Variants in AGBL2 observed in about 807,000 individuals in gnomAD.
AGBL2 encodes cytosolic carboxypeptidase 2.
AGBL2 carries 87 observed loss-of-function variants against 103.0 expected under a neutral mutation model. The observed-to-expected ratio is 0.84, with a 90% CI of 0.71 to 1.01. The LOEUF is 1.01. Ranked by LOEUF, AGBL2 falls within the 50% of genes least tolerant of loss-of-function variation. AGBL2 has a pLI of 0.00. For synonymous variants in AGBL2, 335 were observed against 356.7 expected (o/e 0.94, Z 0.69); for missense variants, 904 against 1,023.5 (o/e 0.88, Z 1.59).
At chr11:47,679,495 A>G (rs1049021379) in intron 13 of AGBL2, among the ~76,000 whole-genome samples, 1 of 152,088 alleles carries the variant, frequency 6.6e-6, no homozygotes, top group Non-Finnish European at 1.5e-5. Flanking sequence ...ATGAGGTCTT[A>G]CCATTTGTAG....
chr11:47,668,843 C>A lies in AGBL2; in HGVS notation c.2212G>T (p.Glu738Ter). ...LPVHLANIAD[E>*]LTQKKKMFKK... ...CTGGGTATAAGAGTTCAGCTTACCT[C>A]ATCTGCTATGTTTGCTAGGTGAACA... The change falls in exon 15 of 19, where the codon GAG (glutamate) becomes TAG (stop). Residue 738 changes from glutamate (E) to a stop codon, truncating the protein, a stop_gained and splice_region_variant. Coordinates refer to ENST00000525123, the MANE Select transcript of AGBL2 (RefSeq NM_024783.4). LOFTEE classifies it high-confidence loss of function. 1.2e-6 allele frequency: 2 copies of A among 1,612,328 alleles called. No homozygotes were observed. Among genetic ancestry groups the A allele is most frequent in the Non-Finnish European group, 8.5e-7 (1 of 1,178,666 alleles).
chr11:47,662,534 C>G (rs1212414367), intron 18 of AGBL2, among the ~76,000 whole-genome samples: 1 of 151,550 alleles, frequency 6.6e-6, no homozygotes, highest in Non-Finnish European at 1.5e-5. Context: ...ACTCTGTCAC[C>G]CAGGCTGGAG....
chr11:47,694,129 C>G (rs930907770), intron 8 of AGBL2, among the ~76,000 whole-genome samples: 1 of 151,660 alleles, frequency 6.6e-6, no homozygotes, highest in African/African-American at 2.4e-5. Context: ...GCTGAGAGGT[C>G]GAGGCTGCAG....
chr11:47,674,541 T>C, intron 14 of AGBL2, among the ~76,000 whole-genome samples: 1 of 129,618 alleles, frequency 7.7e-6, no homozygotes, highest in Non-Finnish European at 1.6e-5. Context: ...CACTCCAGCC[T>C]GGGTGACAGA....
At chr11:47,660,962 AT>A (rs1179676566) in intron 18 of AGBL2, among the ~76,000 whole-genome samples, 1 of 152,204 alleles carries the variant, frequency 6.6e-6, no homozygotes, top group African/African-American at 2.4e-5. Context: ...AAGGTGGCAG[AT>A]TGCCTCATTT....
chr11:47,685,830 A>G (rs2097421375), intron 11 of AGBL2, 63 bp downstream of exon 11: 15 of 1,495,454 alleles, frequency 1.0e-5, no homozygotes. Flanking sequence ...AACACTACAT[A>G]TAGGAAGCAG....
intron 3 of AGBL2, 168 bp from the exon 4 acceptor site, chr11:47,710,679 G>T: frequency 1.3e-6 from 1 of 787,468 alleles, no homozygotes; most frequent in Non-Finnish European, 2.1e-6. Flanking sequence ...TTATGTGAGT[G>T]AAGCATAATT....
At chr11:47,674,587 G>T (rs1181292595) in intron 14 of AGBL2, among the ~76,000 whole-genome samples, 2 of 144,650 alleles carry the variant, frequency 1.4e-5, no homozygotes, top group East Asian at 2.1e-4. Context: ...AAAAAAAAAG[G>T]GTTAGGGTGG....
At position 47,660,091 on chromosome 11, in the gene AGBL2, A is replaced by G. The variant is rs2097324207; in HGVS notation, c.*82T>C. The stretch of plus-strand genomic sequence containing the variant: ...TATACCACAAGTAAATGCAGTTCCC[A>G]GTCATACATCTCCCCCATTATAAAA... On this transcript the variant is annotated 3_prime_UTR_variant, in exon 19 of 19. Transcript: ENST00000525123. 1.2e-5 allele frequency: 18 copies of G among 1,442,276 alleles called. No individual in the cohort carries two copies. Among genetic ancestry groups the G allele is most frequent in the African/African-American group, 2.8e-5 (2 of 70,786 alleles). The allele number at this position is 1,442,276 out of a possible 1,614,324, so 89.3% of individuals were successfully genotyped here.
At chr11:47,677,437 CATTTT>C (rs772347194) in intron 13 of AGBL2, 36 bp from the exon 14 acceptor site, 24 of 1,328,474 alleles carry the variant, frequency 1.8e-5, no homozygotes, top group Non-Finnish European at 2.3e-5. Context: ...TTTGTTAATT[CATTTT>C]ATTTTATTTA....
At chr11:47,669,045 A>G (rs1463182287) in intron 14 of AGBL2, 138 bp from the exon 15 acceptor site, 1 of 594,680 alleles carries the variant, frequency 1.7e-6, no homozygotes, top group African/African-American at 1.9e-5. Flanking sequence ...TCTATGCTTC[A>G]ATTACTAAAA....
chr11:47,690,133 T>G lies in AGBL2; in HGVS notation c.1574A>C (p.Lys525Thr), dbSNP rs201815874. The G allele has an allele frequency of 9.9e-6, 16 of 1,613,938 alleles. No homozygotes were observed. The highest frequency in any genetic ancestry group is 6.8e-6 in the Non-Finnish European group (8 of 1,179,954). Residue 525 changes from lysine (K) to threonine (T), a missense_variant, in exon 10 of 19, where the codon AAA becomes ACA. Lys to Thr is a moderately conservative substitution (Grantham distance 78). Coordinates refer to ENST00000525123, the MANE Select transcript of AGBL2 (RefSeq NM_024783.4). ...AGGGAAAGACTCCTTCAGAATGGTT[T>G]TATAATGCCTGTTCAAATCCCTTCC... Reference protein sequence around the residue: ...LAGRDLNRHYKTILKESFPCI... With the variant: ...LAGRDLNRHYTTILKESFPCI...
rs887144110 is a variant in AGBL2 at position 47,704,674 on chromosome 11, T to G, written c.455A>C (p.Glu152Ala). The G allele has an allele frequency of 3.7e-6, 6 of 1,613,758 alleles. No individual in the cohort carries two copies. In the African/African-American group the frequency reaches 8.0e-5, roughly 22 times the overall value. Reference protein sequence around the residue: ...HLRSRQLLYDELDEVNPRLRE... With the variant: ...HLRSRQLLYDALDEVNPRLRE... ...AAGACGTGGGTTTACTTCATCCAAC[T>G]CATCATAAAGAAGCTGTCTGCTCCT... The change falls in exon 7 of 19, where the codon GAG becomes GCG. Residue 152 changes from glutamate (E) to alanine (A), a missense_variant. Physicochemically the swap from Glu to Ala is moderately radical, Grantham distance 107 (BLOSUM62 -1). Transcript: ENST00000525123.
At position 47,705,560 on chromosome 11, in the gene AGBL2, C is replaced by A. The variant is rs1399071467; in HGVS notation, c.361G>T (p.Asp121Tyr). 9 of 444,186 alleles carry A rather than the reference C, an allele frequency of 2.0e-5. No homozygotes were observed. In the East Asian group the frequency reaches 4.3e-4, roughly 21 times the overall value. 27.5% of individuals were successfully genotyped at this position (444,186 alleles called of 1,614,324 possible). The change falls in exon 6 of 19, where the codon GAT (aspartate) becomes TAT (tyrosine). Residue 121 changes from aspartate to tyrosine, a missense_variant. Asp to Tyr is a radical substitution (Grantham distance 160, BLOSUM62 -3). Transcript: ENST00000525123. ...SLQPPPPRFK[D>Y]SPASAFRVAG... Reference sequence around the variant, plus strand: ...ACTCGGAAAGCTGAGGCAGGAGAATCCTTGAATCTGGGAGGTGGAGGTTGC... The same window carrying A: ...ACTCGGAAAGCTGAGGCAGGAGAATACTTGAATCTGGGAGGTGGAGGTTGC...
At chr11:47,703,131 A>G (rs572587208) in intron 7 of AGBL2, among the ~76,000 whole-genome samples, 1 of 152,160 alleles carries the variant, frequency 6.6e-6, no homozygotes, top group African/African-American at 2.4e-5. Context: ...ATAAAATTAA[A>G]TTAATTTTAT....
chr11:47,667,966 G>C (rs887857046), intron 15 of AGBL2, among the ~76,000 whole-genome samples: 3 of 152,114 alleles, frequency 2.0e-5, no homozygotes, highest in Non-Finnish European at 4.4e-5. Context: ...CCCAACACTT[G>C]GGGAGGCTGA....
chr11:47,667,835 A>G, intron 15 of AGBL2, 139 bp from the exon 16 acceptor site: 3 of 953,578 alleles, frequency 3.1e-6, no homozygotes, highest in Non-Finnish European at 4.7e-6. Context: ...GAGAATAAAC[A>G]AACAGTTCAG....
rs1599009739 is a variant in AGBL2, at chr11:47,690,875, A to G, written c.849-17T>C. The G allele has an allele frequency of 1.3e-6, 2 of 1,589,740 alleles. No individual in the cohort carries two copies. Among genetic ancestry groups the G allele is most frequent in the Non-Finnish European group, 1.7e-6 (2 of 1,170,450 alleles). On this transcript the variant is annotated splice_polypyrimidine_tract_variant and intron_variant, in intron 9 of 18. Coordinates refer to ENST00000525123, the MANE Select transcript of AGBL2 (RefSeq NM_024783.4). ...TAGGTGTCTCTGTAATGGAGAAAAT[A>G]GAACAACTCTGTAAGCTTACACCCT...
In AGBL2 at chr11:47,701,128, T is replaced by C. The variant is rs1565079351; in HGVS notation, c.587-1575A>G. ...TTAGTTTAAACAATAAGGTGTTTGT[T>C]AATAAGTTTCTTTGAAACATTTTTT... On this transcript the variant is annotated intron_variant, in intron 7 of 18. Coordinates refer to ENST00000525123, the MANE Select transcript of AGBL2 (RefSeq NM_024783.4). 2.0e-5 allele frequency among the ~76,000 whole-genome samples: 3 copies of C among 152,194 alleles called. 1 individual carries two copies. Among genetic ancestry groups the C allele is most frequent in the South Asian group, 2.1e-4 (1 of 4,824 alleles).
Sources: gnomAD v4.1 joint callset for allele counts (sites outside exome capture counted in the v4.1 genomes callset) on GRCh38, gnomAD v4.1.1 for gene constraint, MANE v1.5 for transcripts, NCBI Gene and HGNC (gene_info 2026-07-23, HGNC 2026-07-21) for gene names.